Variants in NPAS3 observed in about 807,000 individuals in gnomAD.
NPAS3 encodes the protein neuronal PAS domain protein 3.
In NPAS3, 14 loss-of-function variants were observed where a neutral mutation model predicts 73.1. The observed-to-expected ratio is 0.19, with a 90% CI of 0.13 to 0.30. The LOEUF (loss-of-function observed/expected upper bound fraction) is 0.30. Among genes scored for constraint, NPAS3 ranks in the 10% least tolerant of loss-of-function variants. The probability of loss-of-function intolerance (pLI) is 1.00; values close to 1 mark genes in which losing one functional copy is unlikely to be tolerated. For missense variants in NPAS3, 1,096 were observed against 1,250.0 expected, an observed-to-expected ratio of 0.88 and a Z score of 1.86; for synonymous variants, 620 against 541.5, an observed-to-expected ratio of 1.14 and a Z score of -2.01.
At chr14:33,398,994 G>T (rs1301022466) in intron 4 of NPAS3, among the ~76,000 whole-genome samples, 1 of 152,004 alleles carries the variant, frequency 6.6e-6, no homozygotes, top group African/African-American at 2.4e-5. Flanking sequence ...AGCTCCCAAT[G>T]GTTAGACCAT....
At chr14:33,479,372 A>G (rs550764780) in intron 4 of NPAS3, among the ~76,000 whole-genome samples, 1 of 152,256 alleles carries the variant, frequency 6.6e-6, no homozygotes, top group South Asian at 2.1e-4. Flanking sequence ...GACTAGCCTT[A>G]CTACCCCACC....
intron 3 of NPAS3, among the ~76,000 whole-genome samples, chr14:33,220,995 A>G (rs1179783667): frequency 6.6e-6 from 1 of 152,220 alleles, no homozygotes; most frequent in East Asian, 1.9e-4. Flanking sequence ...GTGGCACACA[A>G]CAACAAGCTT....
chr14:33,485,875 G>C (rs1027818064), intron 4 of NPAS3, among the ~76,000 whole-genome samples: 1 of 151,858 alleles, frequency 6.6e-6, no homozygotes, highest in Non-Finnish European at 1.5e-5. Flanking sequence ...CCCCAAGGAG[G>C]GTGGCCTCAT....
chr14:33,112,698 T>G (rs978031428), intron 2 of NPAS3, among the ~76,000 whole-genome samples: 19 of 152,352 alleles, frequency 1.2e-4, no homozygotes, highest in African/African-American at 4.1e-4. Flanking sequence ...ATTTTTCCTT[T>G]TGTTGCCATT....
chr14:32,941,191 C>A (rs1441693495), intron 1 of NPAS3, among the ~76,000 whole-genome samples: 3 of 94,162 alleles, frequency 3.2e-5, no homozygotes, highest in African/African-American at 1.3e-4. Context: ...TGGTTTTCTT[C>A]CCCCTCCCCT....
chr14:33,035,786 C>T (rs2040146057), intron 1 of NPAS3, among the ~76,000 whole-genome samples: 1 of 152,094 alleles, frequency 6.6e-6, no homozygotes, highest in African/African-American at 2.4e-5. Flanking sequence ...GTGTTTTGCC[C>T]TCCTTAGCAG....
At chr14:33,412,870 T>TA (rs2047988495) in intron 4 of NPAS3, among the ~76,000 whole-genome samples, 1 of 152,222 alleles carries the variant, frequency 6.6e-6, no homozygotes. Flanking sequence ...TAAAACCTAC[T>TA]ATATGCCCGA....
At chr14:33,353,578 T>A (rs1277430561) in intron 3 of NPAS3, among the ~76,000 whole-genome samples, 1 of 152,216 alleles carries the variant, frequency 6.6e-6, no homozygotes, top group African/African-American at 2.4e-5. Context: ...GTAGGAAGCC[T>A]CAAAACAGCA....
chr14:33,622,172 G>A (rs980291744), intron 5 of NPAS3, among the ~76,000 whole-genome samples: 7 of 151,966 alleles, frequency 4.6e-5, no homozygotes, highest in South Asian at 2.1e-4. Flanking sequence ...ATTACCAGTC[G>A]GTTCTAAGAG....
intron 2 of NPAS3, among the ~76,000 whole-genome samples, chr14:33,164,540 A>T (rs17100296): frequency 0.2 from 29,765 of 151,234 alleles, 3,062 homozygotes; most frequent in East Asian, 0.23. Flanking sequence ...TGAACAACTT[A>T]AAAAAAAACC....
At chr14:33,488,621 G>A (rs2051731094) in intron 4 of NPAS3, among the ~76,000 whole-genome samples, 1 of 152,150 alleles carries the variant, frequency 6.6e-6, no homozygotes, top group East Asian at 1.9e-4. Flanking sequence ...AGCTGGCTCA[G>A]AGTGTTTTGG....
At chr14:33,678,444 C>T (rs1488173409) in intron 6 of NPAS3, among the ~76,000 whole-genome samples, 1 of 151,176 alleles carries the variant, frequency 6.6e-6, no homozygotes, top group Non-Finnish European at 1.5e-5. Flanking sequence ...CCAGGTCAAA[C>T]AGTGCTAATT....
In NPAS3 at chr14:33,465,813, A is replaced by G. The variant is rs548147932; in HGVS notation, c.469-94308A>G. On this transcript the variant is annotated intron_variant, in intron 4 of 11. Transcript: ENST00000356141. ...TCAGTATAATATATGGCATATATTA[A>G]TTTTATCATTATTCGGTTTTATTTG... is the stretch of plus-strand genomic sequence containing the variant. Among the ~76,000 whole-genome samples, 174 of 152,258 alleles carry G rather than the reference A, an allele frequency of 1.1e-3. 1 individual carries two copies. Among genetic ancestry groups the G allele is most frequent in the Admixed American group, 2.4e-3 (36 of 15,278 alleles).
chr14:33,672,993 A>G (rs566824503), intron 5 of NPAS3, among the ~76,000 whole-genome samples: 3 of 152,368 alleles, frequency 2.0e-5, no homozygotes, highest in African/African-American at 4.8e-5. Flanking sequence ...ACAATGACTC[A>G]GGTGCATATA....
intron 2 of NPAS3, among the ~76,000 whole-genome samples, chr14:33,195,398 A>G (rs1566662008): frequency 6.6e-6 from 1 of 151,896 alleles, no homozygotes; most frequent in East Asian, 1.9e-4. Flanking sequence ...AGCCTCCCAA[A>G]TAGCTGGGAT....
At chr14:33,262,393 T>A (rs2049006734) in intron 3 of NPAS3, among the ~76,000 whole-genome samples, 1 of 152,188 alleles carries the variant, frequency 6.6e-6, no homozygotes, top group Non-Finnish European at 1.5e-5. Context: ...ACCAGATGGA[T>A]TACATGCAGA....
chr14:33,563,288 A>G (rs1156746113), intron 5 of NPAS3, among the ~76,000 whole-genome samples: 1 of 152,122 alleles, frequency 6.6e-6, no homozygotes, highest in Non-Finnish European at 1.5e-5. Flanking sequence ...AAAACAAGAT[A>G]GGGAAACTTC....
chr14:33,122,864 G>A (rs1272322415), intron 2 of NPAS3, among the ~76,000 whole-genome samples: 3 of 151,962 alleles, frequency 2.0e-5, no homozygotes, highest in Admixed American at 6.6e-5. Context: ...TGAAGAAGTC[G>A]GTAAGAGATC....
chr14:33,079,357 C>G (rs1334629647), intron 2 of NPAS3, among the ~76,000 whole-genome samples: 1 of 126,038 alleles, frequency 7.9e-6, no homozygotes, highest in Non-Finnish European at 1.6e-5. Context: ...CTTGCTCTGT[C>G]GCCCAGGCTG....
Sources: gnomAD v4.1 joint callset for allele counts (sites outside exome capture counted in the v4.1 genomes callset) on GRCh38, gnomAD v4.1.1 for gene constraint, MANE v1.5 for transcripts, NCBI Gene and HGNC (gene_info 2026-07-23, HGNC 2026-07-21) for gene names.